The following PPP1R14C variants were observed in gnomAD, a reference collection of about 807,000 sequenced individuals.
PPP1R14C encodes protein phosphatase 1 regulatory inhibitor subunit 14C.
Under a neutral mutation model 20.4 loss-of-function variants are expected in PPP1R14C, and 16 were observed. The ratio of observed to expected loss-of-function variants is 0.78; its 90% CI spans 0.53 to 1.19. The LOEUF is 1.19. Ranked by LOEUF, PPP1R14C falls within the 50% of genes most tolerant of loss-of-function variation. The pLI, the probability that PPP1R14C is intolerant of heterozygous loss-of-function variation, is 0.00. For synonymous variants in PPP1R14C, 91 were observed against 91.0 expected, an observed-to-expected ratio of 1.00 and a Z score of 0.00; for missense variants, 211 against 220.1, an observed-to-expected ratio of 0.96 and a Z score of 0.26.
At chr6:150,222,765 C>CT (rs4038164) in intron 3 of PPP1R14C, among the ~76,000 whole-genome samples, 29,501 of 71,124 alleles carry the variant, frequency 0.41, 6,191 homozygotes, top group Non-Finnish European at 0.48. Flanking sequence ...TTCAAACTGG[C>CT]TTTTTTTTTT....
At chr6:150,237,976 T>G (rs1562277343) in intron 3 of PPP1R14C, among the ~76,000 whole-genome samples, 1 of 152,194 alleles carries the variant, frequency 6.6e-6, no homozygotes, top group East Asian at 1.9e-4. Flanking sequence ...CTTGCATCAT[T>G]ATACGATCCA....
Position 150,174,015 on chromosome 6 carries a change from T to TC in PPP1R14C, c.306+30524dup, listed in dbSNP as rs571196400. 5.1e-3 allele frequency among the ~76,000 whole-genome samples: 472 copies of TC among 92,802 alleles called. 4 individuals carry two copies. Among genetic ancestry groups the TC allele is most frequent in the African/African-American group, 0.019 (437 of 23,344 alleles). 60.9% of individuals were successfully genotyped at this position (92,802 alleles called of 152,430 possible). ...AATTTGCTTATTTGGCACCTCTCCC[T>TC]CCCCCCCACCCCCGAGATTTGTTAA... is the stretch of plus-strand genomic sequence containing the variant. On this transcript the variant is annotated intron_variant, in intron 1 of 3. Coordinates refer to ENST00000361131, the MANE Select transcript of PPP1R14C (RefSeq NM_030949.3).
chr6:150,196,132 T>C, intron 1 of PPP1R14C: 1 of 985,024 alleles, frequency 1.0e-6, no homozygotes, highest in Non-Finnish European at 1.2e-6. Flanking sequence ...AAGGAAGTCA[T>C]TGCAATACAC....
At position 150,201,879 on chromosome 6, in the gene PPP1R14C, G is replaced by A. The variant is rs916029641; in HGVS notation, c.307-12865G>A. On this transcript the variant is annotated intron_variant, in intron 1 of 3. Coordinates refer to ENST00000361131, the MANE Select transcript of PPP1R14C (RefSeq NM_030949.3). The surrounding 1 kb of genome is among the most constrained non-coding windows in gnomAD (Gnocchi z 4.2). ...TTGGATGGTGGCGACAGGGAGAGGA[G>A]GGGTCAGGAGTGAAGTATTCCATGA... 5.3e-5 allele frequency among the ~76,000 whole-genome samples: 8 copies of A among 152,156 alleles called. No individual in the cohort carries two copies. The highest frequency in any genetic ancestry group is 1.9e-4 in the African/African-American group (8 of 41,424).
At chr6:150,149,850 G>C (rs1290580040) in intron 1 of PPP1R14C, among the ~76,000 whole-genome samples, 1 of 152,216 alleles carries the variant, frequency 6.6e-6, no homozygotes, top group Non-Finnish European at 1.5e-5. Flanking sequence ...GGTCAGGGGT[G>C]TTGGTGTATG....
rs55665389 is a variant in PPP1R14C at position 150,224,993 on chromosome 6, G to A, written c.423+8137G>A. On this transcript the variant is annotated intron_variant, in intron 3 of 3. Transcript: ENST00000361131. Reference sequence around the variant, plus strand: ...TGAACTTCACAAGTGCTTCTCGGTCGCCCCCATGCCCCTTTAGGTGGAATG... The same window carrying A: ...TGAACTTCACAAGTGCTTCTCGGTCACCCCCATGCCCCTTTAGGTGGAATG... Among the ~76,000 whole-genome samples, 343 of 151,904 alleles carry A rather than the reference G, an allele frequency of 2.3e-3. 4 individuals carry two copies. The highest frequency in any genetic ancestry group is 8.0e-3 in the African/African-American group (332 of 41,438).
chr6:150,248,529 G>A (rs986983973), intron 3 of PPP1R14C, among the ~76,000 whole-genome samples: 5 of 152,290 alleles, frequency 3.3e-5, no homozygotes, highest in Admixed American at 2.0e-4. Context: ...GGTTTCCCCC[G>A]TAAAGAAAGT....
intron 1 of PPP1R14C, among the ~76,000 whole-genome samples, chr6:150,172,638 A>G (rs1440415207): frequency 6.6e-6 from 1 of 152,148 alleles, no homozygotes; most frequent in Non-Finnish European, 1.5e-5. Flanking sequence ...TGGGCCTCAG[A>G]ATAGAAGCTT....
At position 150,143,635 on chromosome 6, in the gene PPP1R14C, C is replaced by T. The variant is rs1305594648; in HGVS notation, c.306+137C>T. ...ACCAAGTGCCAGGAGCGAGGCGCGGCGCCTTCTCTCCCCCGCGGTGCCCTC... is the reference window on the plus strand; with the variant it reads ...ACCAAGTGCCAGGAGCGAGGCGCGGTGCCTTCTCTCCCCCGCGGTGCCCTC... On this transcript the variant is annotated intron_variant, in intron 1 of 3. Transcript: ENST00000361131. The surrounding 1 kb of genome is among the most constrained non-coding windows in gnomAD (Gnocchi z 5.6). 3 of 656,264 alleles carry T rather than the reference C, an allele frequency of 4.6e-6. No individual in the cohort carries two copies. The highest frequency in any genetic ancestry group is 7.5e-6 in the Non-Finnish European group (3 of 399,786). 40.7% of individuals were successfully genotyped at this position (656,264 alleles called of 1,614,324 possible). A position where few individuals can be genotyped will look rare whatever the true frequency, so the allele number is the denominator to read the frequency against.
chr6:150,244,665 TTTTA>T (rs1376999131), intron 3 of PPP1R14C, among the ~76,000 whole-genome samples: 1 of 152,206 alleles, frequency 6.6e-6, no homozygotes, highest in Non-Finnish European at 1.5e-5. Flanking sequence ...GAATTTCAAA[TTTTA>T]TTTATTTTAT....
In PPP1R14C at chr6:150,194,753, T is replaced by C. The variant is rs950240754; in HGVS notation, c.307-19991T>C. 1.5e-5 allele frequency: 15 copies of C among 985,256 alleles called. No individual in the cohort carries two copies. In the African/African-American group the frequency reaches 2.4e-4, roughly 16 times the overall value. 61.0% of individuals were successfully genotyped at this position (985,256 alleles called of 1,614,324 possible). On this transcript the variant is annotated intron_variant, in intron 1 of 3. Coordinates refer to ENST00000361131, the MANE Select transcript of PPP1R14C (RefSeq NM_030949.3). ...AAAGAGGCTCTTATAATTTGTTGCA[T>C]AGTTTAAGACCCTGTTTTGTTTGAC... is the stretch of plus-strand genomic sequence containing the variant.
chr6:150,248,473 A>C lies in PPP1R14C; in HGVS notation c.424-273A>C, dbSNP rs370231897. ...GTTAAATAGCTCTGATCTCAACACA[A>C]ATGCCTCAGGGGCCAAGTAGGTCAT... On this transcript the variant is annotated intron_variant, in intron 3 of 3. Transcript: ENST00000361131. Among the ~76,000 whole-genome samples the C allele has an allele frequency of 2.4e-4, 36 of 152,326 alleles. 2 individuals carry two copies. Among genetic ancestry groups the C allele is most frequent in the South Asian group, 1.9e-3 (9 of 4,826 alleles).
intron 3 of PPP1R14C, among the ~76,000 whole-genome samples, chr6:150,233,491 A>G (rs1462537070): frequency 6.6e-6 from 1 of 152,212 alleles, no homozygotes; most frequent in Non-Finnish European, 1.5e-5. Context: ...TGTGAGCTAT[A>G]TAGACATTTA....
In PPP1R14C at chr6:150,150,028, G is replaced by A. The variant is rs75291551; in HGVS notation, c.306+6530G>A. Reference sequence around the variant, plus strand: ...TTTTCATCATTTAAAAGTTCATAGCGGGACACAATTCTTCAACATTTAAGC... The same window carrying A: ...TTTTCATCATTTAAAAGTTCATAGCAGGACACAATTCTTCAACATTTAAGC... On this transcript the variant is annotated intron_variant, in intron 1 of 3. Coordinates refer to ENST00000361131, the MANE Select transcript of PPP1R14C (RefSeq NM_030949.3). Among the ~76,000 whole-genome samples the A allele has an allele frequency of 5.3e-3, 808 of 152,238 alleles. 10 individuals are homozygous for A. The highest frequency in any genetic ancestry group is 0.019 in the African/African-American group (785 of 41,536).
At chr6:150,242,114 A>G (rs149455615) in intron 3 of PPP1R14C, among the ~76,000 whole-genome samples, 3 of 151,916 alleles carry the variant, frequency 2.0e-5, no homozygotes, top group African/African-American at 7.3e-5. Context: ...ACACACAACA[A>G]AACAAAACAA....
At chr6:150,188,635 C>T (rs553877677) in intron 1 of PPP1R14C, among the ~76,000 whole-genome samples, 42 of 150,612 alleles carry the variant, frequency 2.8e-4, no homozygotes, top group African/African-American at 1.0e-3. Context: ...TACAGGCGCC[C>T]ACCACCACGC....
rs74880972 is a variant in PPP1R14C at position 150,238,436 on chromosome 6, C to T, written c.424-10310C>T. ...CTGGCCCTTCCAGAGCAGTCATTTCCGGATTCTGTGGCCTTTCAGTGAACA... is the reference window on the plus strand; with the variant it reads ...CTGGCCCTTCCAGAGCAGTCATTTCTGGATTCTGTGGCCTTTCAGTGAACA... On this transcript the variant is annotated intron_variant, in intron 3 of 3. Transcript: ENST00000361131. 3.0e-4 allele frequency among the ~76,000 whole-genome samples: 45 copies of T among 152,340 alleles called. No individual in the cohort carries two copies. In the East Asian group the frequency reaches 5.6e-3, roughly 19 times the overall value.
chr6:150,162,831 GA>G (rs1454402527), intron 1 of PPP1R14C, among the ~76,000 whole-genome samples: 2 of 152,084 alleles, frequency 1.3e-5, no homozygotes, highest in African/African-American at 4.8e-5. Flanking sequence ...GTAGTGCTAG[GA>G]AAAAAATAAA....
intron 3 of PPP1R14C, among the ~76,000 whole-genome samples, chr6:150,220,980 T>C (rs192839984): frequency 3.3e-5 from 5 of 152,368 alleles, no homozygotes; most frequent in African/African-American, 9.6e-5. Context: ...AGTCTCTAAC[T>C]GAACATCCCT....
Sources: gnomAD v4.1 joint callset for allele counts (sites outside exome capture counted in the v4.1 genomes callset) on GRCh38, gnomAD v4.1.1 for gene constraint, Gnocchi (gnomAD v3.1) non-coding constraint, MANE v1.5 for transcripts, NCBI Gene and HGNC (gene_info 2026-07-23, HGNC 2026-07-21) for gene names.